IL23R: variants seen among roughly 807,000 people sequenced by gnomAD.
IL23R encodes the protein interleukin 23 receptor.
A neutral mutation model predicts 56.9 loss-of-function variants in IL23R; 34 were observed. That is an observed-to-expected ratio of 0.60 (90% CI 0.45 to 0.80). The LOEUF (loss-of-function observed/expected upper bound fraction) is 0.80. IL23R is among the 30% of genes least tolerant of loss of function. IL23R has a pLI of 0.00. For missense variants in IL23R, 635 were observed against 730.0 expected (o/e 0.87, Z 1.50); for synonymous variants, 230 against 249.2 (o/e 0.92, Z 0.73).
chr1:67,163,556 C>CT (rs1437009019), upstream of IL23R, among the ~76,000 whole-genome samples: 2 of 150,752 alleles, frequency 1.3e-5, no homozygotes, highest in Non-Finnish European at 2.9e-5. Flanking sequence ...GAGGTTAGGC[C>CT]TAGTGGGAGG....
chr1:67,195,930 A>G (rs562179535), intron 4 of IL23R, among the ~76,000 whole-genome samples: 46 of 152,304 alleles, frequency 3.0e-4, no homozygotes, highest in Non-Finnish European at 4.9e-4. Context: ...CAAAAGATGT[A>G]AGTGGCTAGC....
At chr1:67,143,491 C>T (rs753981205) in intron 1 of IL23R, among the ~76,000 whole-genome samples, 1 of 152,140 alleles carries the variant, frequency 6.6e-6, no homozygotes, top group Non-Finnish European at 1.5e-5. Context: ...GAAACTGGGG[C>T]TCAATTTCTC....
At chr1:67,175,154 G>A (rs1646991609) in intron 3 of IL23R, among the ~76,000 whole-genome samples, 1 of 151,986 alleles carries the variant, frequency 6.6e-6, no homozygotes, top group Non-Finnish European at 1.5e-5. Context: ...TGGAGGGGAT[G>A]TCAGTTCTCA....
intron 1 of IL23R, among the ~76,000 whole-genome samples, chr1:67,150,854 T>C (rs1258705712): frequency 6.6e-6 from 1 of 152,178 alleles, no homozygotes; most frequent in African/African-American, 2.4e-5. Context: ...CAGTCTATCA[T>C]TGATGGGTAT....
intron 3 of IL23R, among the ~76,000 whole-genome samples, chr1:67,173,522 C>T (rs778935733): frequency 1.3e-5 from 2 of 152,226 alleles, no homozygotes; most frequent in South Asian, 4.1e-4. Flanking sequence ...TGTTTCCACA[C>T]CTACTTCATT....
At chr1:67,216,595 C>A (rs1281860729) in intron 6 of IL23R, among the ~76,000 whole-genome samples, 2 of 152,158 alleles carry the variant, frequency 1.3e-5, no homozygotes. Context: ...AATGAATGGG[C>A]ATAGTCTGTT....
At chr1:67,199,302 G>C (rs1323727024) in intron 4 of IL23R, among the ~76,000 whole-genome samples, 1 of 152,098 alleles carries the variant, frequency 6.6e-6, no homozygotes, top group Non-Finnish European at 1.5e-5. Flanking sequence ...AGAACATGCT[G>C]GTTGTCTCTG....
intron 1 of IL23R, 95 bp from the exon 2 acceptor site, chr1:67,167,997 C>T (rs1458033290): frequency 1.4e-6 from 1 of 715,264 alleles, no homozygotes; most frequent in Admixed American, 2.1e-5. Flanking sequence ...TCAAAGGTTC[C>T]CATCAAATAC....
chr1:67,203,702 A>G (rs2102628798), intron 5 of IL23R, among the ~76,000 whole-genome samples: 1 of 152,328 alleles, frequency 6.6e-6, no homozygotes, highest in South Asian at 2.1e-4. Context: ...CGCAAATTAG[A>G]TAAATGAACT....
chr1:67,149,204 T>A (rs2102530840), intron 1 of IL23R, among the ~76,000 whole-genome samples: 1 of 152,248 alleles, frequency 6.6e-6, no homozygotes, highest in Middle Eastern at 3.4e-3. Context: ...CCCTGGGAGC[T>A]CTTCTCAGCA....
At chr1:67,151,320 T>C (rs1316647297) in intron 1 of IL23R, among the ~76,000 whole-genome samples, 2 of 152,244 alleles carry the variant, frequency 1.3e-5, no homozygotes, top group Non-Finnish European at 2.9e-5. Context: ...TGTAAATTTG[T>C]TTAAGTTCCT....
chr1:67,239,395 C>T (rs984062793), intron 8 of IL23R, among the ~76,000 whole-genome samples: 7 of 152,152 alleles, frequency 4.6e-5, no homozygotes, highest in Admixed American at 6.5e-5. Flanking sequence ...TCCCAAGTAG[C>T]GGGGACTACA....
chr1:67,162,356 T>A (rs1646829801), upstream of IL23R, among the ~76,000 whole-genome samples: 1 of 151,992 alleles, frequency 6.6e-6, no homozygotes, highest in South Asian at 2.1e-4. Flanking sequence ...TGGTGGCACA[T>A]GTAGCCTGTA....
chr1:67,188,488 C>T (rs1647510670), intron 4 of IL23R, among the ~76,000 whole-genome samples: 2 of 152,092 alleles, frequency 1.3e-5, no homozygotes, highest in South Asian at 4.1e-4. Flanking sequence ...TGAGCCTCAG[C>T]CTCCTGTGAA....
At chr1:67,202,934 T>C (rs1350876459) in intron 5 of IL23R, among the ~76,000 whole-genome samples, 1 of 152,200 alleles carries the variant, frequency 6.6e-6, no homozygotes, top group Admixed American at 6.5e-5. Context: ...TATTCCATTT[T>C]ATTGTATATC....
At chr1:67,210,680 GGTCTTGAACTA>G (rs1649405967) in intron 6 of IL23R, among the ~76,000 whole-genome samples, 1 of 151,758 alleles carries the variant, frequency 6.6e-6, no homozygotes, top group Non-Finnish European at 1.5e-5. Flanking sequence ...TGCCCAGGCC[GGTCTTGAACTA>G]GCCTCAAATA....
rs374856076 is a variant in IL23R at position 67,255,073 on chromosome 1, T to A, written c.1149-764T>A. Among the ~76,000 whole-genome samples, 47 of 152,360 alleles carry A rather than the reference T, an allele frequency of 3.1e-4. 1 individual carries two copies. In the East Asian group the frequency reaches 7.5e-3, roughly 24 times the overall value. On this transcript the variant is annotated intron_variant, in intron 9 of 10. Transcript: ENST00000347310. ...CCCTATTTGAAATAATTACAAAATC[T>A]AGACTCAGAACAGCCTAAATTTTAG...
intron 4 of IL23R, among the ~76,000 whole-genome samples, chr1:67,187,530 T>C (rs76416671): frequency 1.0e-3 from 159 of 152,340 alleles, no homozygotes; most frequent in Non-Finnish European, 1.7e-3. Flanking sequence ...TTTACATTTA[T>C]TTACACATGA....
chr1:67,147,358 A>T (rs1293978777), intron 1 of IL23R, among the ~76,000 whole-genome samples: 1 of 152,274 alleles, frequency 6.6e-6, no homozygotes, highest in East Asian at 1.9e-4. Flanking sequence ...AGTTACAATT[A>T]AAAAAACTTT....
Sources: allele counts gnomAD v4.1 joint callset (sites outside exome capture counted in the v4.1 genomes callset), GRCh38; gene constraint gnomAD v4.1.1; transcripts MANE v1.5; gene names NCBI Gene and HGNC (gene_info 2026-07-23, HGNC 2026-07-21).